The following FAM177A1 variants were observed in gnomAD, a reference collection of about 807,000 sequenced individuals.
FAM177A1 encodes protein FAM177A1.
FAM177A1 carries 22 observed loss-of-function variants against 26.1 expected under a neutral mutation model. That is an observed-to-expected ratio of 0.84 (90% CI 0.60 to 1.20). FAM177A1 has a LOEUF of 1.20. FAM177A1 is among the 50% of genes most tolerant of loss of function. The probability of loss-of-function intolerance (pLI) is 0.00; values close to 1 mark genes in which losing one functional copy is unlikely to be tolerated. For synonymous variants in FAM177A1, 95 were observed against 99.3 expected (o/e 0.96, Z 0.26); for missense variants, 296 against 291.1 (o/e 1.02, Z -0.12).
At chr14:35,060,567 G>A (rs549143713) in intron 2 of FAM177A1, among the ~76,000 whole-genome samples, 4 of 151,920 alleles carry the variant, frequency 2.6e-5, no homozygotes, top group African/African-American at 9.7e-5. Flanking sequence ...ATATATTATA[G>A]CAACTCTGGG....
chr14:35,062,424 CTT>C (rs905397060), intron 2 of FAM177A1, among the ~76,000 whole-genome samples: 96 of 152,158 alleles, frequency 6.3e-4, no homozygotes, highest in African/African-American at 2.2e-3. Context: ...GATAAGAAAT[CTT>C]TTTATATTTT....
At position 35,046,546 on chromosome 14, in the gene FAM177A1, C is replaced by T. The variant is rs1328933646; in HGVS notation, c.83C>T (p.Pro28Leu). 6.3e-7 allele frequency: 1 copy of T among 1,599,260 alleles called. No homozygotes were observed. The highest frequency in any genetic ancestry group is 8.5e-7 in the Non-Finnish European group (1 of 1,174,628). Residue 28 changes from proline to leucine, a missense_variant, in exon 1 of 5, where the codon CCA becomes CTA. Physicochemically the swap from Pro to Leu is moderately conservative, Grantham distance 98. Coordinates refer to ENST00000280987, the MANE Select transcript of FAM177A1 (RefSeq NM_173607.5). ...PVVATTMDQEPVGGVERGEAV... is the reference protein window; with the variant it reads ...PVVATTMDQELVGGVERGEAV... ...GTGGCGACGACGATGGACCAGGAGC[C>T]AGTGGGCGGTGTGGAACGAGGAGAA... is the stretch of plus-strand genomic sequence containing the variant.
At chr14:35,072,846 T>C (rs1478544478) in intron 2 of FAM177A1, among the ~76,000 whole-genome samples, 1 of 152,148 alleles carries the variant, frequency 6.6e-6, no homozygotes, top group Non-Finnish European at 1.5e-5. Context: ...CGCTCCACCC[T>C]CCACCCCCCC....
At chr14:35,060,267 G>T (rs756491002) in intron 2 of FAM177A1, among the ~76,000 whole-genome samples, 4 of 152,112 alleles carry the variant, frequency 2.6e-5, no homozygotes, top group Non-Finnish European at 5.9e-5. Context: ...GAGCCACTGC[G>T]CCTGGCCAGT....
chr14:35,056,704 G>A (rs997501918), intron 2 of FAM177A1, among the ~76,000 whole-genome samples: 2 of 152,012 alleles, frequency 1.3e-5, no homozygotes, highest in African/African-American at 4.8e-5. Context: ...AAGCCTCCTT[G>A]GCTTTTCTTT....
chr14:35,072,471 G>T (rs2045337711), intron 2 of FAM177A1, among the ~76,000 whole-genome samples: 2 of 152,166 alleles, frequency 1.3e-5, no homozygotes, highest in African/African-American at 4.8e-5. Flanking sequence ...GGGGAGGCAA[G>T]AGAGAAAGGC....
At chr14:35,075,823 T>C (rs189289072) in intron 2 of FAM177A1, among the ~76,000 whole-genome samples, 20 of 152,332 alleles carry the variant, frequency 1.3e-4, no homozygotes, top group African/African-American at 4.8e-4. Context: ...AAGACATTTA[T>C]TCAGCCAACA....
chr14:35,078,808 T>C, intron 3 of FAM177A1, 119 bp from the exon 4 acceptor site: 1 of 638,484 alleles, frequency 1.6e-6, no homozygotes. Flanking sequence ...TATTAGGTTT[T>C]TATAATCTCC....
At chr14:35,055,442 T>G (rs2045046063) in intron 2 of FAM177A1, among the ~76,000 whole-genome samples, 1 of 137,050 alleles carries the variant, frequency 7.3e-6, no homozygotes, top group Admixed American at 7.4e-5. Context: ...GCAATAACTG[T>G]TTTTTTTTTT....
intron 2 of FAM177A1, among the ~76,000 whole-genome samples, chr14:35,056,736 T>A (rs1318640989): frequency 2.0e-5 from 3 of 152,220 alleles, no homozygotes; most frequent in Non-Finnish European, 4.4e-5. Flanking sequence ...TTTTGATTAC[T>A]AATTCAGTCT....
At chr14:35,078,389 T>C (rs987372617) in intron 3 of FAM177A1, among the ~76,000 whole-genome samples, 4 of 152,194 alleles carry the variant, frequency 2.6e-5, no homozygotes, top group African/African-American at 9.7e-5. Context: ...TCTTGCTCTT[T>C]CATCAAGGCT....
At chr14:35,070,818 A>G (rs962320747) in intron 2 of FAM177A1, among the ~76,000 whole-genome samples, 4 of 152,086 alleles carry the variant, frequency 2.6e-5, no homozygotes, top group African/African-American at 9.7e-5. Flanking sequence ...TTAATATGAT[A>G]TAATACATGT....
chr14:35,046,555 GTGT>G lies in FAM177A1; in HGVS notation c.93_95del (p.Val32del), dbSNP rs750740906. The G allele has an allele frequency of 4.4e-6, 7 of 1,593,988 alleles. No individual in the cohort carries two copies. Among genetic ancestry groups the G allele is most frequent in the Non-Finnish European group, 6.0e-6 (7 of 1,172,188 alleles). ...ACGATGGACCAGGAGCCAGTGGGCG[GTGT>G]GGAACGAGGAGAAGCCGTCGCAGCC... On this transcript the variant is annotated inframe_deletion, in exon 1 of 5. Coordinates refer to ENST00000280987, the MANE Select transcript of FAM177A1 (RefSeq NM_173607.5).
intron 2 of FAM177A1, among the ~76,000 whole-genome samples, chr14:35,063,096 G>T (rs1166362537): frequency 7.0e-6 from 1 of 141,914 alleles, no homozygotes. Context: ...GGGAGTCGGA[G>T]ATTGCAGTGA....
intron 2 of FAM177A1, among the ~76,000 whole-genome samples, chr14:35,066,903 C>A (rs1385655703): frequency 6.6e-6 from 1 of 151,966 alleles, no homozygotes; most frequent in Non-Finnish European, 1.5e-5. Flanking sequence ...AAGCGATTCT[C>A]CTATCTCAGC....
rs530327881 is a variant in FAM177A1 at position 35,080,382 on chromosome 14, G to A, written c.505-640G>A. On this transcript the variant is annotated intron_variant, in intron 4 of 4. Coordinates refer to ENST00000280987, the MANE Select transcript of FAM177A1 (RefSeq NM_173607.5). The stretch of plus-strand genomic sequence containing the variant: ...AATAGACTGACACCCTACAATTGAA[G>A]TGATACAGTTGAAGCTAACTTTTTA... 2.6e-5 allele frequency among the ~76,000 whole-genome samples: 4 copies of A among 152,292 alleles called. 1 individual carries two copies. In the Middle Eastern group the frequency reaches 0.014, roughly 518 times the overall value.
intron 1 of FAM177A1, 178 bp downstream of exon 1, chr14:35,046,806 C>G (rs895364592): frequency 4.4e-6 from 6 of 1,378,226 alleles, no homozygotes; most frequent in Non-Finnish European, 5.6e-6. Flanking sequence ...AGGAGCGCCC[C>G]CCGCCTCACT....
chr14:35,052,448 A>G (rs1355629681), intron 1 of FAM177A1, among the ~76,000 whole-genome samples: 2 of 151,708 alleles, frequency 1.3e-5, no homozygotes, highest in Non-Finnish European at 2.9e-5. Flanking sequence ...TGACCTTGTG[A>G]TCCGCCTGCC....
intron 2 of FAM177A1, among the ~76,000 whole-genome samples, chr14:35,056,636 G>T (rs1397647237): frequency 6.6e-6 from 1 of 152,186 alleles, no homozygotes; most frequent in Non-Finnish European, 1.5e-5. Context: ...AGGATTACAG[G>T]TGTGAGCCAG....
Sources: gnomAD v4.1 joint callset for allele counts (sites outside exome capture counted in the v4.1 genomes callset) on GRCh38, gnomAD v4.1.1 for gene constraint, MANE v1.5 for transcripts, NCBI Gene and HGNC (gene_info 2026-07-23, HGNC 2026-07-21) for gene names.